FAT3: variants seen among roughly 807,000 people sequenced by gnomAD.
FAT3 encodes the protein FAT atypical cadherin 3, also known as protocadherin Fat 3.
FAT3 carries 95 observed loss-of-function variants against 310.2 expected under a neutral mutation model. The observed-to-expected ratio is 0.31, with a 90% CI of 0.26 to 0.36. FAT3 has a LOEUF of 0.36. FAT3 is among the 10% of genes least tolerant of loss of function. The pLI is 1.00. For missense variants in FAT3, 5,408 were observed against 5,715.6 expected (o/e 0.95, Z 1.74); for synonymous variants, 2,314 against 2,192.9 (o/e 1.06, Z -1.54).
Position 92,629,008 on chromosome 11 carries a change from A to G in FAT3, c.3608-68376A>G, listed in dbSNP as rs192422281. On this transcript the variant is annotated intron_variant, in intron 3 of 27. Coordinates refer to ENST00000525166, the MANE Select transcript of FAT3 (RefSeq NM_001367949.2). ...AAGCTTTCTTTTCATAATGTGGTAG[A>G]ACTTATCTTCTGCTCTTAAGCAGCC... 5.2e-5 allele frequency among the ~76,000 whole-genome samples: 8 copies of G among 152,382 alleles called. No homozygotes were observed. In the East Asian group the frequency reaches 1.5e-3, roughly 29 times the overall value.
chr11:92,397,646 C>T (rs528931594), intron 2 of FAT3, among the ~76,000 whole-genome samples: 116 of 152,252 alleles, frequency 7.6e-4, no homozygotes, highest in East Asian at 2.5e-3. Flanking sequence ...CCAGCTACTC[C>T]GTTTAATTGT....
intron 3 of FAT3, among the ~76,000 whole-genome samples, chr11:92,673,760 A>T (rs1188917198): frequency 6.6e-6 from 1 of 152,122 alleles, no homozygotes; most frequent in Non-Finnish European, 1.5e-5. Context: ...ATTTAAAAAA[A>T]TTTTCAGGAG....
At chr11:92,451,631 T>C (rs915392476) in intron 2 of FAT3, among the ~76,000 whole-genome samples, 23 of 152,188 alleles carry the variant, frequency 1.5e-4, no homozygotes, top group African/African-American at 5.1e-4. Context: ...TTCATGTGAC[T>C]GTAGATATTT....
intron 2 of FAT3, among the ~76,000 whole-genome samples, chr11:92,444,674 A>G (rs888978676): frequency 6.7e-6 from 1 of 149,112 alleles, no homozygotes; most frequent in East Asian, 2.0e-4. Flanking sequence ...GGGGGGGAAA[A>G]CATACAGTTT....
At chr11:92,754,440 A>G (rs1373240100) in intron 4 of FAT3, among the ~76,000 whole-genome samples, 1 of 151,536 alleles carries the variant, frequency 6.6e-6, no homozygotes, top group East Asian at 1.9e-4. Context: ...CCTGGCTAAC[A>G]CAGTGAAACC....
rs747248746 is a variant in FAT3, at chr11:92,353,435, G to A, written c.1323G>A (p.Glu441=). 1 of 1,613,534 alleles carries A rather than the reference G, an allele frequency of 6.2e-7. No individual in the cohort carries two copies. Among genetic ancestry groups the A allele is most frequent in the Non-Finnish European group, 8.5e-7 (1 of 1,179,786 alleles). The change falls in exon 2 of 28, where the codon GAG becomes GAA. Residue 441 remains glutamate (E), a synonymous_variant. Transcript: ENST00000525166. ...TARPLNTVKK[E]VYKLEVTNKE... ...GGCCACTGAATACTGTTAAGAAGGA[G>A]GTTTATAAACTGGAGGTGACAAACA...
chr11:92,419,516 A>C (rs1035067142), intron 2 of FAT3, among the ~76,000 whole-genome samples: 2 of 152,182 alleles, frequency 1.3e-5, no homozygotes, highest in African/African-American at 4.8e-5. Flanking sequence ...GATTCCCATG[A>C]AGACTAATTG....
At chr11:92,754,175 T>G (rs1945910572) in intron 4 of FAT3, among the ~76,000 whole-genome samples, 1 of 152,030 alleles carries the variant, frequency 6.6e-6, no homozygotes, top group Non-Finnish European at 1.5e-5. Context: ...AGACAATATT[T>G]TCCTATATAA....
At chr11:92,279,822 T>A (rs1946376817) in intron 1 of FAT3, among the ~76,000 whole-genome samples, 1 of 152,026 alleles carries the variant, frequency 6.6e-6, no homozygotes, top group African/African-American at 2.4e-5. Flanking sequence ...TTGACCAACC[T>A]CACAAAAAGG....
intron 19 of FAT3, among the ~76,000 whole-genome samples, chr11:92,848,323 A>G (rs1948738101): frequency 6.6e-6 from 1 of 152,174 alleles, no homozygotes; most frequent in Non-Finnish European, 1.5e-5. Context: ...ACTTCAAGAG[A>G]TACAAAGGTC....
At chr11:92,395,486 C>T (rs924725459) in intron 2 of FAT3, among the ~76,000 whole-genome samples, 1 of 152,162 alleles carries the variant, frequency 6.6e-6, no homozygotes, top group African/African-American at 2.4e-5. Context: ...GCACTACAGC[C>T]TCATCACAGT....
At chr11:92,468,225 C>T (rs1951820641) in intron 2 of FAT3, among the ~76,000 whole-genome samples, 1 of 152,126 alleles carries the variant, frequency 6.6e-6, no homozygotes, top group South Asian at 2.1e-4. Context: ...GATTGTAGCC[C>T]TGTAATAACA....
At chr11:92,598,226 A>AT (rs1490513946) in intron 3 of FAT3, among the ~76,000 whole-genome samples, 1,408 of 125,556 alleles carry the variant, frequency 0.011, 27 homozygotes, top group African/African-American at 0.048. Context: ...ATATATATAT[A>AT]TATATTTTTT....
chr11:92,553,207 T>C lies in FAT3; in HGVS notation c.3607+28259T>C, dbSNP rs117413761. Among the ~76,000 whole-genome samples, 387 of 152,324 alleles carry C rather than the reference T, an allele frequency of 2.5e-3. 1 individual carries two copies. Among genetic ancestry groups the C allele is most frequent in the Admixed American group, 7.2e-3 (110 of 15,300 alleles). ...AATATTCCAGTTGTATTTTTGCAAC[T>C]ATAAACATCAATTCTTTACTCTTAG... On this transcript the variant is annotated intron_variant, in intron 3 of 27. Transcript: ENST00000525166.
chr11:92,461,415 T>G (rs1220072078), intron 2 of FAT3, among the ~76,000 whole-genome samples: 6 of 152,160 alleles, frequency 3.9e-5, no homozygotes, highest in Admixed American at 3.9e-4. Context: ...TCAGAGTAAA[T>G]ACATTTATAA....
At position 92,724,981 on chromosome 11, in the gene FAT3, A is replaced by G. The variant is rs576435173; in HGVS notation, c.3669+27536A>G. ...CAGCTATAACTTCTCTCACAGCAAT[A>G]AGAAAAGTTGAGGAGCAAACCAAAA... is the stretch of plus-strand genomic sequence containing the variant. On this transcript the variant is annotated intron_variant, in intron 4 of 27. Transcript: ENST00000525166. Among the ~76,000 whole-genome samples the G allele has an allele frequency of 2.0e-5, 3 of 152,326 alleles. No homozygotes were observed. In the South Asian group the frequency reaches 6.2e-4, roughly 32 times the overall value.
intron 2 of FAT3, among the ~76,000 whole-genome samples, chr11:92,370,113 A>G (rs1451416148): frequency 6.6e-6 from 1 of 152,148 alleles, no homozygotes; most frequent in African/African-American, 2.4e-5. Context: ...AACTTGAGGG[A>G]TTTCCCTAAA....
At chr11:92,315,428 C>G (rs1201864859) in intron 1 of FAT3, among the ~76,000 whole-genome samples, 1 of 144,558 alleles carries the variant, frequency 6.9e-6, no homozygotes, top group Non-Finnish European at 1.5e-5. Context: ...ATTGGTTAGT[C>G]AAACCTCAGT....
chr11:92,344,670 C>T (rs1414998135), intron 1 of FAT3, among the ~76,000 whole-genome samples: 1 of 152,196 alleles, frequency 6.6e-6, no homozygotes, highest in East Asian at 1.9e-4. Flanking sequence ...AAGAAGAAAT[C>T]TGTGCTGGTT....
Sources: allele counts gnomAD v4.1 joint callset (sites outside exome capture counted in the v4.1 genomes callset), GRCh38; gene constraint gnomAD v4.1.1; transcripts MANE v1.5; gene names NCBI Gene and HGNC (gene_info 2026-07-23, HGNC 2026-07-21).